The following PDE8B variants were observed in gnomAD, a reference collection of about 807,000 sequenced individuals.
PDE8B encodes high affinity cAMP-specific and IBMX-insensitive 3',5'-cyclic phosphodiesterase 8B.
A neutral mutation model predicts 101.3 loss-of-function variants in PDE8B; 26 were observed. The ratio of observed to expected loss-of-function variants is 0.26; its 90% CI spans 0.19 to 0.36. PDE8B has a LOEUF of 0.36. PDE8B is among the 10% of genes least tolerant of loss of function. The pLI is 1.00. For synonymous variants in PDE8B, 424 were observed against 429.3 expected (o/e 0.99, Z 0.15); for missense variants, 810 against 1,163.1 (o/e 0.70, Z 4.42).
chr5:77,160,356 C>T, the PDE8B span, among the ~76,000 whole-genome samples: 1 of 152,130 alleles, frequency 6.6e-6, no homozygotes, highest in Non-Finnish European at 1.5e-5. Flanking sequence ...GTCCCACAGT[C>T]GACCCTGCAG....
In PDE8B at chr5:77,400,258, TTCA is replaced by T; in HGVS notation, c.1181_1183del (p.His394del). 1.2e-6 allele frequency: 2 copies of T among 1,602,334 alleles called. No homozygotes were observed. The highest frequency in any genetic ancestry group is 8.6e-7 in the Non-Finnish European group (1 of 1,169,268). ...TTTGAACGACTTTAGATTCACAAGA[TTCA>T]TCGTGATTCAGGAGACAATTCTCAG... is the stretch of plus-strand genomic sequence containing the variant. On this transcript the variant is annotated inframe_deletion, in exon 11 of 22. Transcript: ENST00000264917.
chr5:77,253,152 A>G (rs1357435465), intron 1 of PDE8B, among the ~76,000 whole-genome samples: 1 of 152,192 alleles, frequency 6.6e-6, no homozygotes, highest in Non-Finnish European at 1.5e-5. Context: ...CTCTGAGGGA[A>G]ATTTGTACTT....
chr5:77,312,115 T>C, intron 2 of PDE8B, 62 bp downstream of exon 2: 1 of 1,298,036 alleles, frequency 7.7e-7, no homozygotes. Context: ...CTTTTTTTTT[T>C]TTTTTTGAGA....
chr5:77,384,133 ATTTG>A (rs747230765), intron 10 of PDE8B, among the ~76,000 whole-genome samples: 1 of 152,056 alleles, frequency 6.6e-6, no homozygotes, highest in African/African-American at 2.4e-5. Flanking sequence ...ATGTTTTTCC[ATTTG>A]TTTGTGTCCT....
chr5:77,088,245 G>A, the PDE8B span: 1 of 152,526 alleles, frequency 6.6e-6, no homozygotes, highest in Non-Finnish European at 1.5e-5. Context: ...TGGGCTTCCA[G>A]CCCCACGGCA....
intron 10 of PDE8B, among the ~76,000 whole-genome samples, chr5:77,366,587 C>T (rs764093987): frequency 1.3e-5 from 2 of 152,120 alleles, no homozygotes. Flanking sequence ...TGCCTAAGAA[C>T]CTTGGCGCCT....
At chr5:77,214,603 TTGACTATATA>T (rs1749240876) in intron 1 of PDE8B, among the ~76,000 whole-genome samples, 1 of 152,196 alleles carries the variant, frequency 6.6e-6, no homozygotes, top group East Asian at 1.9e-4. Context: ...TAATCCTGAG[TTGACTATATA>T]TAAAAGGAAA....
chr5:77,426,116 T>C lies in PDE8B; in HGVS notation c.2548+220T>C, dbSNP rs1016433122. ...ACTTGATGGATTTTTGATAGCTGGATAAACGAGTCTCTGCCTCTTCAAAGG... is the reference window on the plus strand; with the variant it reads ...ACTTGATGGATTTTTGATAGCTGGACAAACGAGTCTCTGCCTCTTCAAAGG... On this transcript the variant is annotated intron_variant, in intron 21 of 21. Transcript: ENST00000264917. The C allele has an allele frequency of 8.2e-6, 5 of 613,466 alleles. No individual in the cohort carries two copies. The African/African-American group carries it at 9.2e-5, about 11-fold the overall frequency. 38.0% of individuals were successfully genotyped at this position (613,466 alleles called of 1,614,324 possible).
the PDE8B span, among the ~76,000 whole-genome samples, chr5:77,125,805 T>C: frequency 6.6e-6 from 1 of 152,200 alleles, no homozygotes; most frequent in South Asian, 2.1e-4. Context: ...TCTGGGGGAA[T>C]AGTAGATTGG....
chr5:77,087,747 G>C, the PDE8B span: 1 of 152,266 alleles, frequency 6.6e-6, no homozygotes, highest in Non-Finnish European at 1.5e-5. Context: ...CAACTTTTCT[G>C]GGCCATGCTC....
chr5:77,115,289 T>G, the PDE8B span: 1 of 152,264 alleles, frequency 6.6e-6, no homozygotes, highest in African/African-American at 2.4e-5. Context: ...TCTTTTTATC[T>G]TCTTGGGACC....
chr5:77,124,470 C>T, the PDE8B span, among the ~76,000 whole-genome samples: 17,431 of 151,672 alleles, frequency 0.11, 1,094 homozygotes, highest in East Asian at 0.16. Context: ...CACCTGTATC[C>T]CAGCTACTTG....
At chr5:77,259,859 G>A (rs536492594) in intron 1 of PDE8B, among the ~76,000 whole-genome samples, 1 of 152,218 alleles carries the variant, frequency 6.6e-6, no homozygotes, top group Admixed American at 6.5e-5. Context: ...AAAAAAGTTT[G>A]ACTATAGAAA....
chr5:77,419,928 A>G (rs1268332905), intron 19 of PDE8B, 41 bp downstream of exon 19: 5 of 1,611,182 alleles, frequency 3.1e-6, no homozygotes, highest in Non-Finnish European at 4.2e-6. Context: ...ATCCAAGTAC[A>G]TTTCCATAAG....
chr5:77,185,407 T>C, the PDE8B span, among the ~76,000 whole-genome samples: 260 of 152,344 alleles, frequency 1.7e-3, no homozygotes, highest in African/African-American at 5.9e-3. Flanking sequence ...TGGTCTTCCC[T>C]CTGTGTGTCT....
At chr5:77,426,274 AG>A (rs1391461679) in intron 21 of PDE8B, 170 bp from the exon 22 acceptor site, 1 of 649,994 alleles carries the variant, frequency 1.5e-6, no homozygotes, top group Non-Finnish European at 2.8e-6. Context: ...CTTTTCAAAA[AG>A]GACCTGTTTG....
chr5:77,306,384 CAG>C (rs1459372392), intron 1 of PDE8B, among the ~76,000 whole-genome samples: 1 of 152,148 alleles, frequency 6.6e-6, no homozygotes, highest in Non-Finnish European at 1.5e-5. Flanking sequence ...GTGAAAAAGA[CAG>C]AGACTATGTC....
chr5:77,384,125 G>A (rs1045319831), intron 10 of PDE8B, among the ~76,000 whole-genome samples: 16 of 152,160 alleles, frequency 1.1e-4, no homozygotes, highest in African/African-American at 3.9e-4. Flanking sequence ...AGTATGGAAT[G>A]TTTTTCCATT....
chr5:77,208,202 A>G (rs1747658918), upstream of PDE8B, among the ~76,000 whole-genome samples: 1 of 152,114 alleles, frequency 6.6e-6, no homozygotes, highest in Non-Finnish European at 1.5e-5. Flanking sequence ...TTTCTGTTTC[A>G]TCACAGTCTT....
Sources: allele counts gnomAD v4.1 joint callset (sites outside exome capture counted in the v4.1 genomes callset), GRCh38; gene constraint gnomAD v4.1.1; transcripts MANE v1.5; gene names NCBI Gene and HGNC (gene_info 2026-07-23, HGNC 2026-07-21).